SASH1: variants seen among roughly 807,000 people sequenced by gnomAD.
The protein encoded by SASH1 is SAM and SH3 domain containing 1.
In SASH1, 44 loss-of-function variants were observed where a neutral mutation model predicts 125.2. That is an observed-to-expected ratio of 0.35 (90% CI 0.28 to 0.45). The LOEUF (loss-of-function observed/expected upper bound fraction) is 0.45, where lower values mean the gene tolerates loss of function less well. SASH1 is among the 20% of genes least tolerant of loss of function. The pLI, the probability that SASH1 is intolerant of heterozygous loss-of-function variation, is 1.00. For missense variants in SASH1, 1,426 were observed against 1,614.5 expected (o/e 0.88, Z 2.00); for synonymous variants, 639 against 649.1 (o/e 0.98, Z 0.24).
chr6:148,291,526 A>G (rs570105220), intron 1 of SASH1, among the ~76,000 whole-genome samples: 1 of 152,082 alleles, frequency 6.6e-6, no homozygotes, highest in Non-Finnish European at 1.5e-5. Flanking sequence ...AAAAAAATAC[A>G]AAAAAGATTA....
the SASH1 span, among the ~76,000 whole-genome samples, chr6:148,232,093 C>T: frequency 5.7e-3 from 860 of 152,072 alleles, 35 homozygotes; most frequent in Admixed American, 0.052. Flanking sequence ...TGCTCTTACT[C>T]GGTATGATCT....
chr6:148,444,348 A>G (rs1282932489), intron 4 of SASH1, among the ~76,000 whole-genome samples: 2 of 152,208 alleles, frequency 1.3e-5, no homozygotes, highest in South Asian at 2.1e-4. Context: ...AGCTCTGACC[A>G]GAAGAGGGGG....
intron 7 of SASH1, among the ~76,000 whole-genome samples, chr6:148,482,305 T>G (rs990301758): frequency 2.6e-5 from 4 of 152,230 alleles, no homozygotes; most frequent in Non-Finnish European, 5.9e-5. Flanking sequence ...ATGACCGTGA[T>G]TTAATAATCA....
chr6:148,486,190 G>A lies in SASH1; in HGVS notation c.628-1424G>A, dbSNP rs139949685. ...GGCTGGAGTGCAGTGGTGCGATCTCGGCTCACCGCAACCTCTGCCTCCCAG... is the reference window on the plus strand; with the variant it reads ...GGCTGGAGTGCAGTGGTGCGATCTCAGCTCACCGCAACCTCTGCCTCCCAG... On this transcript the variant is annotated intron_variant, in intron 7 of 19. Transcript: ENST00000367467. Among the ~76,000 whole-genome samples the A allele has an allele frequency of 2.5e-3, 381 of 152,140 alleles. 3 individuals carry two copies. The highest frequency in any genetic ancestry group is 0.021 in the East Asian group (111 of 5,166).
intron 1 of SASH1, among the ~76,000 whole-genome samples, chr6:148,353,650 G>C (rs1372426158): frequency 6.6e-6 from 1 of 151,970 alleles, no homozygotes; most frequent in East Asian, 1.9e-4. Context: ...GGCCAGGCTA[G>C]TCTCGAACTC....
At chr6:148,440,496 C>T in intron 4 of SASH1, 89 bp downstream of exon 4, 3 of 1,073,832 alleles carry the variant, frequency 2.8e-6, no homozygotes. Context: ...CGATCATGTG[C>T]GTATGTACTA....
At chr6:148,213,025 C>T in the SASH1 span, among the ~76,000 whole-genome samples, 3 of 152,154 alleles carry the variant, frequency 2.0e-5, no homozygotes, top group Non-Finnish European at 4.4e-5. Flanking sequence ...TTTACATTCT[C>T]CTGCCCCTGC....
rs766705941 is a variant in SASH1, at chr6:148,544,245, T to C, written c.2775T>C (p.Pro925=). The C allele has an allele frequency of 8.1e-6, 13 of 1,613,964 alleles. No homozygotes were observed. The highest frequency in any genetic ancestry group is 1.1e-5 in the Non-Finnish European group (13 of 1,180,028). The change falls in exon 18 of 20, where the codon CCT becomes CCC. Residue 925 remains proline, a synonymous_variant. Coordinates refer to ENST00000367467, the MANE Select transcript of SASH1 (RefSeq NM_015278.5). This position sits in a 1 kb window ranked among gnomAD's most constrained non-coding sequence, Gnocchi z 6.4. ...IAASGRGLSP[P]QCLPRNYDAQ... The stretch of plus-strand genomic sequence containing the variant: ...CCTCTGGTCGCGGCCTGTCACCCCC[T>C]CAGTGTTTGCCCAGAAACTATGATG...
intron 17 of SASH1, among the ~76,000 whole-genome samples, chr6:148,541,841 G>A (rs958506969): frequency 2.0e-5 from 3 of 152,018 alleles, no homozygotes; most frequent in African/African-American, 7.3e-5. Context: ...GCTATTCAAG[G>A]TTTTCTATCA....
chr6:148,299,142 G>GA (rs1779863313), intron 1 of SASH1, among the ~76,000 whole-genome samples: 3 of 152,180 alleles, frequency 2.0e-5, no homozygotes, highest in Non-Finnish European at 2.9e-5. Context: ...TGCCCAGCAT[G>GA]GTTGAAGGTG....
chr6:148,471,392 T>C (rs1237900320), intron 5 of SASH1, 25 bp from the exon 6 acceptor site: 1 of 1,004,856 alleles, frequency 1.0e-6, no homozygotes, highest in East Asian at 3.3e-5. Context: ...TGTTCTTTTT[T>C]TTTTTTTTTT....
chr6:148,403,618 C>G (rs1235180766), intron 2 of SASH1, among the ~76,000 whole-genome samples: 2 of 152,148 alleles, frequency 1.3e-5, no homozygotes, highest in Non-Finnish European at 2.9e-5. Context: ...GCAACCTCTT[C>G]CTCCTGGGTG....
intron 4 of SASH1, among the ~76,000 whole-genome samples, chr6:148,466,101 T>TA (rs1777826285): frequency 2.6e-5 from 4 of 152,190 alleles, no homozygotes; most frequent in Admixed American, 2.0e-4. Flanking sequence ...TTTGTGTGGA[T>TA]AGGAGGAAGG....
intron 2 of SASH1, among the ~76,000 whole-genome samples, chr6:148,399,753 A>G (rs1442499705): frequency 2.0e-5 from 3 of 152,180 alleles, no homozygotes; most frequent in Non-Finnish European, 4.4e-5. Flanking sequence ...AAAAGTGGCC[A>G]CTTTGATGGC....
chr6:148,368,869 A>G (rs543403415), intron 1 of SASH1, among the ~76,000 whole-genome samples: 5 of 151,988 alleles, frequency 3.3e-5, no homozygotes, highest in African/African-American at 4.8e-5. Context: ...CAGGAAGTCA[A>G]TAGAAGGCAT....
intron 2 of SASH1, among the ~76,000 whole-genome samples, 153 bp from the exon 3 acceptor site, chr6:148,440,030 GT>G (rs1220082861): frequency 1.3e-5 from 2 of 152,036 alleles, no homozygotes; most frequent in Admixed American, 6.6e-5. Context: ...AAGTATTTTA[GT>G]TTTCCCAGAA....
At chr6:148,207,677 G>A in the SASH1 span, among the ~76,000 whole-genome samples, 1 of 152,144 alleles carries the variant, frequency 6.6e-6, no homozygotes, top group South Asian at 2.1e-4. Flanking sequence ...GGATTCATTT[G>A]CCCCTGCTTT....
At chr6:148,354,248 C>T (rs1269075019) in intron 1 of SASH1, among the ~76,000 whole-genome samples, 4 of 152,090 alleles carry the variant, frequency 2.6e-5, no homozygotes, top group Non-Finnish European at 4.4e-5. Flanking sequence ...TTTCTGAAAA[C>T]AAGAAAATGC....
At chr6:148,351,329 T>C (rs1389236859) in intron 1 of SASH1, among the ~76,000 whole-genome samples, 1 of 152,108 alleles carries the variant, frequency 6.6e-6, no homozygotes, top group Admixed American at 6.6e-5. Context: ...TATTTATGTT[T>C]GCTCTTCAGA....
Sources: gnomAD v4.1 joint callset for allele counts (sites outside exome capture counted in the v4.1 genomes callset) on GRCh38, gnomAD v4.1.1 for gene constraint, Gnocchi (gnomAD v3.1) non-coding constraint, MANE v1.5 for transcripts, NCBI Gene and HGNC (gene_info 2026-07-23, HGNC 2026-07-21) for gene names.